The following PPP2R3A variants were observed in gnomAD, a reference collection of about 807,000 sequenced individuals.
PPP2R3A encodes protein phosphatase 2 regulatory subunit B''alpha, also known as serine/threonine-protein phosphatase 2A regulatory subunit B'' subunit alpha.
A neutral mutation model predicts 106.9 loss-of-function variants in PPP2R3A; 80 were observed. The ratio of observed to expected loss-of-function variants is 0.75; its 90% CI spans 0.62 to 0.90. PPP2R3A has a LOEUF of 0.90. Among genes scored for constraint, PPP2R3A ranks in the 40% least tolerant of loss-of-function variants. The probability of loss-of-function intolerance (pLI) is 0.00; values close to 1 mark genes in which losing one functional copy is unlikely to be tolerated. For synonymous variants in PPP2R3A, 483 were observed against 468.3 expected, an observed-to-expected ratio of 1.03 and a Z score of -0.41; for missense variants, 1,386 against 1,350.4, an observed-to-expected ratio of 1.03 and a Z score of -0.41.
At chr3:136,116,439 C>G (rs147279275) in intron 13 of PPP2R3A, among the ~76,000 whole-genome samples, 1 of 152,158 alleles carries the variant, frequency 6.6e-6, no homozygotes, top group Non-Finnish European at 1.5e-5. Context: ...TTAAAAGACA[C>G]AGACTGGCAA....
Position 136,088,008 on chromosome 3 carries a change from C to T in PPP2R3A, c.2837+77C>T. 3 of 1,337,844 alleles carry T rather than the reference C, an allele frequency of 2.2e-6. No individual in the cohort carries two copies. The East Asian group carries it at 7.0e-5, about 31-fold the overall frequency. 82.9% of individuals were successfully genotyped at this position (1,337,844 alleles called of 1,614,324 possible). On this transcript the variant is annotated intron_variant, in intron 9 of 13. Coordinates refer to ENST00000264977, the MANE Select transcript of PPP2R3A (RefSeq NM_002718.5). ...AACCATCTCATTTTAGCAAAGCTTC[C>T]TGAATAATTTGGCAGTGCTATTGGA... is the stretch of plus-strand genomic sequence containing the variant.
At chr3:135,971,328 G>A (rs1230021914) in intron 1 of PPP2R3A, among the ~76,000 whole-genome samples, 1 of 152,142 alleles carries the variant, frequency 6.6e-6, no homozygotes, top group Non-Finnish European at 1.5e-5. Flanking sequence ...CTTCTACCTC[G>A]AAGACTTGGT....
rs771002691 is a variant in PPP2R3A at position 136,102,167 on chromosome 3, A to G, written c.3088A>G (p.Lys1030Glu). Residue 1030 changes from lysine (K) to glutamate (E), a missense_variant, in exon 11 of 14, where the codon AAG becomes GAG. Coordinates refer to ENST00000264977, the MANE Select transcript of PPP2R3A (RefSeq NM_002718.5). ...ACTGTGCCAGATGCTTGACCTAGTG[A>G]AGCCAGCTGTTGATGGTGAGACCAA... ...DLLCQMLDLV[K>E]PAVDGKITLR... 29 of 1,612,984 alleles carry G rather than the reference A, an allele frequency of 1.8e-5. No individual in the cohort carries two copies. In the South Asian group the frequency reaches 3.0e-4, roughly 16 times the overall value.
At chr3:136,117,206 A>C (rs1937800133) in intron 13 of PPP2R3A, among the ~76,000 whole-genome samples, 2 of 152,180 alleles carry the variant, frequency 1.3e-5, no homozygotes. Flanking sequence ...AAAGACACAA[A>C]GTACCAGAAT....
intron 7 of PPP2R3A, among the ~76,000 whole-genome samples, chr3:136,081,514 CTA>C (rs1465068238): frequency 6.6e-6 from 1 of 152,036 alleles, no homozygotes; most frequent in Admixed American, 6.6e-5. Flanking sequence ...TTTATTGTGA[CTA>C]TTCATATATC....
chr3:136,011,994 TAC>T (rs35643220), intron 2 of PPP2R3A, among the ~76,000 whole-genome samples: 177 of 148,076 alleles, frequency 1.2e-3, no homozygotes, highest in Admixed American at 3.8e-3. Context: ...CACACACACA[TAC>T]ACACACACAC....
chr3:136,126,638 G>T (rs1249206854), intron 13 of PPP2R3A, among the ~76,000 whole-genome samples: 1 of 152,216 alleles, frequency 6.6e-6, no homozygotes, highest in East Asian at 1.9e-4. Context: ...GAGAGCAGTA[G>T]TTCTCCCAGC....
At chr3:136,129,464 C>T (rs1938316151) in intron 13 of PPP2R3A, among the ~76,000 whole-genome samples, 1 of 152,016 alleles carries the variant, frequency 6.6e-6, no homozygotes, top group African/African-American at 2.4e-5. Context: ...AAGACTAAAC[C>T]AGGAAGAAGT....
chr3:136,003,304 T>C lies in PPP2R3A; in HGVS notation c.1806T>C (p.Ala602=), dbSNP rs1291532465. The change falls in exon 2 of 14, where the codon GCT becomes GCC. Residue 602 remains alanine, a synonymous_variant. Coordinates refer to ENST00000264977, the MANE Select transcript of PPP2R3A (RefSeq NM_002718.5). ...TCCTGGAAAGCATTGAAGACTTTGC[T>C]CAAGAACTAGTTGAATGCAAATCAA... The part of the protein sequence containing the change: ...LRILESIEDF[A]QELVECKSSR... The C allele has an allele frequency of 6.8e-6, 11 of 1,613,872 alleles. No homozygotes were observed. Among genetic ancestry groups the C allele is most frequent in the Non-Finnish European group, 9.3e-6 (11 of 1,179,958 alleles).
intron 1 of PPP2R3A, among the ~76,000 whole-genome samples, chr3:135,978,949 A>G (rs1392384330): frequency 1.3e-5 from 2 of 151,914 alleles, no homozygotes; most frequent in Non-Finnish European, 2.9e-5. Context: ...TATGCCACAG[A>G]AACTTTGTAA....
At chr3:136,021,196 G>T (rs1934452789) in intron 2 of PPP2R3A, among the ~76,000 whole-genome samples, 1 of 151,926 alleles carries the variant, frequency 6.6e-6, no homozygotes, top group South Asian at 2.1e-4. Context: ...TAATGAGGGA[G>T]AAAAAGAGTA....
intron 4 of PPP2R3A, 100 bp from the exon 5 acceptor site, chr3:136,049,159 T>C (rs1320933805): frequency 2.5e-6 from 2 of 796,668 alleles, no homozygotes; most frequent in Non-Finnish European, 4.1e-6. Context: ...ATTGTTGATC[T>C]GAGTGGCCTT....
intron 10 of PPP2R3A, among the ~76,000 whole-genome samples, chr3:136,100,242 G>A (rs892581330): frequency 6.6e-6 from 1 of 152,118 alleles, no homozygotes; most frequent in Non-Finnish European, 1.5e-5. Flanking sequence ...AGGCGCAGGA[G>A]CTCACAACTA....
chr3:136,003,595 C>T lies in PPP2R3A; in HGVS notation c.1995+102C>T, dbSNP rs561694672. On this transcript the variant is annotated intron_variant, in intron 2 of 13. Coordinates refer to ENST00000264977, the MANE Select transcript of PPP2R3A (RefSeq NM_002718.5). ...TTTTTGTTAGCCATTTTTTGTTCTA[C>T]TAAAGCTCTGCCCTACACTAGGAAT... 915 of 1,061,334 alleles carry T rather than the reference C, an allele frequency of 8.6e-4. 3 individuals carry two copies. The highest frequency in any genetic ancestry group is 1.1e-3 in the Non-Finnish European group (835 of 745,280). The allele number at this position is 1,061,334 out of a possible 1,614,324, so 65.7% of individuals were successfully genotyped here. A position where few individuals can be genotyped will look rare whatever the true frequency, so the allele number is the denominator to read the frequency against.
intron 5 of PPP2R3A, among the ~76,000 whole-genome samples, chr3:136,051,294 T>G (rs1935676829): frequency 6.6e-6 from 1 of 152,122 alleles, no homozygotes; most frequent in Non-Finnish European, 1.5e-5. Flanking sequence ...ATAGTTGAGG[T>G]TTTTTTAAGT....
rs777828704 is a variant in PPP2R3A, at chr3:136,002,680, A to G, written c.1182A>G (p.Gln394=). 5.0e-6 allele frequency: 8 copies of G among 1,613,340 alleles called. No homozygotes were observed. The highest frequency in any genetic ancestry group is 1.3e-5 in the African/African-American group (1 of 74,940). The change falls in exon 2 of 14, where the codon CAA becomes CAG. Residue 394 remains glutamine (Q), a synonymous_variant. Coordinates refer to ENST00000264977, the MANE Select transcript of PPP2R3A (RefSeq NM_002718.5). ...GAACTCTAAAAGCTGTCCAGGTCCA[A>G]TCACAGTCATTAACCATGAATCCTT... ...DPRTLKAVQV[Q]SQSLTMNPLE...
intron 12 of PPP2R3A, among the ~76,000 whole-genome samples, chr3:136,104,520 G>A (rs1266345983): frequency 6.6e-6 from 1 of 152,080 alleles, no homozygotes; most frequent in Non-Finnish European, 1.5e-5. Context: ...TGGTCAGGCT[G>A]GTCTCGAACT....
chr3:136,030,804 ATGTATGTATGTATGTATG>A (rs1315290420), intron 3 of PPP2R3A, among the ~76,000 whole-genome samples: 5 of 145,564 alleles, frequency 3.4e-5, no homozygotes, highest in African/African-American at 1.3e-4. Context: ...GTATGTATGT[ATGTATGTATGTATGTATG>A]TATACACACA....
At chr3:136,055,702 C>A in intron 5 of PPP2R3A, 1 of 804,518 alleles carries the variant, frequency 1.2e-6, no homozygotes, top group South Asian at 1.8e-5. Context: ...CCCTAAGACT[C>A]TGGAGCAACT....
Sources: allele counts gnomAD v4.1 joint callset (sites outside exome capture counted in the v4.1 genomes callset), GRCh38; gene constraint gnomAD v4.1.1; transcripts MANE v1.5; gene names NCBI Gene and HGNC (gene_info 2026-07-23, HGNC 2026-07-21).